SYT6: variants seen among roughly 807,000 people sequenced by gnomAD.
SYT6 encodes the protein synaptotagmin-6.
A neutral mutation model predicts 38.4 loss-of-function variants in SYT6; 24 were observed. That is an observed-to-expected ratio of 0.62 (90% CI 0.45 to 0.88). The LOEUF (loss-of-function observed/expected upper bound fraction) is 0.88, where lower values mean the gene tolerates loss of function less well. SYT6 is among the 40% of genes least tolerant of loss of function. The probability of loss-of-function intolerance (pLI) is 0.00; values close to 1 mark genes in which losing one functional copy is unlikely to be tolerated. For missense variants in SYT6, 611 were observed against 621.0 expected (o/e 0.98, Z 0.17); for synonymous variants, 265 against 241.9 (o/e 1.10, Z -0.89).
intron 4 of SYT6, among the ~76,000 whole-genome samples, chr1:114,100,926 A>T (rs1339537354): frequency 6.6e-5 from 10 of 152,128 alleles, no homozygotes; most frequent in Non-Finnish European, 1.5e-5. Context: ...CTATTTCCAT[A>T]CACTCCCACA....
chr1:114,143,777 T>A (rs551627884), intron 1 of SYT6, among the ~76,000 whole-genome samples: 4 of 152,278 alleles, frequency 2.6e-5, no homozygotes, highest in South Asian at 2.1e-4. Context: ...ATTTTAAATG[T>A]TGTGATTGGT....
At chr1:114,096,153 C>T (rs1300156128) in intron 6 of SYT6, among the ~76,000 whole-genome samples, 2 of 152,144 alleles carry the variant, frequency 1.3e-5, no homozygotes, top group African/African-American at 4.8e-5. Flanking sequence ...GTTGAACCAA[C>T]ACAGCCTTCA....
At chr1:114,096,468 G>A (rs2774287) in intron 6 of SYT6, among the ~76,000 whole-genome samples, 9,193 of 152,286 alleles carry the variant, frequency 0.06, 445 homozygotes, top group African/African-American at 0.12. Context: ...CATGCTGCCT[G>A]TCTAGGGAGG....
chr1:114,093,875 T>C (rs1407670113), intron 6 of SYT6, 72 bp from the exon 7 acceptor site: 10 of 1,432,892 alleles, frequency 7.0e-6, no homozygotes, highest in Non-Finnish European at 9.8e-6. Context: ...AAGTGTTTCT[T>C]AACCAGAAGG....
intron 7 of SYT6, among the ~76,000 whole-genome samples, chr1:114,093,150 G>A (rs1253654147): frequency 6.6e-6 from 1 of 152,152 alleles, no homozygotes; most frequent in Non-Finnish European, 1.5e-5. Flanking sequence ...ATGGAGGTTT[G>A]GGGTCGGGGG....
intron 6 of SYT6, among the ~76,000 whole-genome samples, chr1:114,095,975 T>G (rs975614800): frequency 1.3e-5 from 2 of 152,018 alleles, no homozygotes; most frequent in African/African-American, 4.8e-5. Context: ...GTGAGTTTTC[T>G]AAGGCCCTAC....
At chr1:114,115,603 G>A (rs1676947285) in intron 3 of SYT6, among the ~76,000 whole-genome samples, 1 of 151,964 alleles carries the variant, frequency 6.6e-6, no homozygotes, top group South Asian at 2.1e-4. Flanking sequence ...TTTTGGTAGA[G>A]ACGGGGTTTT....
chr1:114,144,219 T>C (rs1679039588), intron 1 of SYT6, among the ~76,000 whole-genome samples: 2 of 152,212 alleles, frequency 1.3e-5, no homozygotes. Flanking sequence ...GGATATGTCC[T>C]CACCAGCTCA....
chr1:114,106,333 G>C (rs957923609), intron 3 of SYT6, among the ~76,000 whole-genome samples: 1 of 151,710 alleles, frequency 6.6e-6, no homozygotes, highest in Non-Finnish European at 1.5e-5. Context: ...TCTTACCTCA[G>C]CCCTGCGAGG....
intron 3 of SYT6, among the ~76,000 whole-genome samples, chr1:114,119,807 C>T (rs111360221): frequency 0.099 from 15,005 of 152,252 alleles, 926 homozygotes; most frequent in Non-Finnish European, 0.14. Flanking sequence ...CACGGTGGCT[C>T]ACGCCTGTAA....
chr1:114,140,789 G>A (rs1378186510), intron 1 of SYT6, among the ~76,000 whole-genome samples: 2 of 152,150 alleles, frequency 1.3e-5, no homozygotes, highest in Non-Finnish European at 2.9e-5. Flanking sequence ...GTCTTTCTGT[G>A]CCAGTTTTCC....
intron 1 of SYT6, among the ~76,000 whole-genome samples, chr1:114,149,151 A>T (rs1224922067): frequency 6.9e-6 from 1 of 145,540 alleles, no homozygotes; most frequent in African/African-American, 2.7e-5. Context: ...GCCACCAGGC[A>T]AGTAACCAGT....
At chr1:114,106,078 G>A (rs1396768140) in intron 3 of SYT6, among the ~76,000 whole-genome samples, 1 of 152,196 alleles carries the variant, frequency 6.6e-6, no homozygotes, top group East Asian at 1.9e-4. Flanking sequence ...CATAGCAAGT[G>A]CCCTGTGCCC....
intron 3 of SYT6, among the ~76,000 whole-genome samples, chr1:114,133,870 C>G (rs572648747): frequency 1.1e-4 from 17 of 152,242 alleles, no homozygotes; most frequent in African/African-American, 4.1e-4. Context: ...GAGCTAGACT[C>G]CTCGGATGTG....
chr1:114,137,930 G>T lies in SYT6; in HGVS notation c.636C>A (p.Tyr212Ter), dbSNP rs1325081253. 6.2e-7 allele frequency: 1 copy of T among 1,614,090 alleles called. No individual in the cohort carries two copies. Residue 212 changes from tyrosine (Y) to a stop codon, truncating the protein, a stop_gained, in exon 3 of 8, where the codon TAC (tyrosine) becomes TAA (stop). Coordinates refer to ENST00000610222, the MANE Select transcript of SYT6 (RefSeq NM_001253772.2). LOFTEE classifies it high-confidence loss of function. ...TSIGRIKPEL[Y>*]KQKSVDGEDA... ...CCTCCCCATCCACCGACTTCTGCTT[G>T]TAGAGCTCAGGCTTGATGCGGCCAA...
Position 114,153,766 on chromosome 1 carries a change from C to T in SYT6, c.7G>A (p.Gly3Arg), listed in dbSNP as rs942399047. The T allele has an allele frequency of 2.9e-6, 2 of 679,124 alleles. No individual in the cohort carries two copies. The highest frequency in any genetic ancestry group is 2.1e-5 in the Admixed American group (1 of 47,770). 42.1% of individuals were successfully genotyped at this position (679,124 alleles called of 1,614,324 possible). The change falls in exon 1 of 8, where the codon GGA becomes AGA. Residue 3 changes from glycine (G) to arginine (R), a missense_variant. Gly to Arg is a moderately radical substitution (Grantham distance 125). Coordinates refer to ENST00000610222, the MANE Select transcript of SYT6 (RefSeq NM_001253772.2). MS[G>R]VWGAGGPRCQ... ...CGAGGCCCGCCGGCCCCCCACACTCCGCTCATGCCCTAGACACCCAGGCTT... is the reference window on the plus strand; with the variant it reads ...CGAGGCCCGCCGGCCCCCCACACTCTGCTCATGCCCTAGACACCCAGGCTT...
At chr1:114,122,628 G>A (rs1047424088) in intron 3 of SYT6, among the ~76,000 whole-genome samples, 2 of 152,336 alleles carry the variant, frequency 1.3e-5, no homozygotes, top group East Asian at 1.9e-4. Flanking sequence ...GAGGCAGAGA[G>A]GAGCGCAGCC....
chr1:114,117,152 C>T (rs1677044101), intron 3 of SYT6, among the ~76,000 whole-genome samples: 1 of 152,208 alleles, frequency 6.6e-6, no homozygotes, highest in Admixed American at 6.5e-5. Flanking sequence ...AGCTGTGTGA[C>T]TGTAAAACTC....
chr1:114,139,578 G>C, intron 2 of SYT6, 37 bp downstream of exon 2: 2 of 1,612,568 alleles, frequency 1.2e-6, no homozygotes, highest in Non-Finnish European at 1.7e-6. Context: ...GAGTGTGGAG[G>C]TGTGGGGGTC....
Sources: gnomAD v4.1 joint callset for allele counts (sites outside exome capture counted in the v4.1 genomes callset) on GRCh38, gnomAD v4.1.1 for gene constraint, MANE v1.5 for transcripts, NCBI Gene and HGNC (gene_info 2026-07-23, HGNC 2026-07-21) for gene names.